The following CFB variants were observed in gnomAD, a reference collection of about 807,000 sequenced individuals.
CFB encodes complement factor B, also known as B-factor, properdin.
In CFB, 59 loss-of-function variants were observed where a neutral mutation model predicts 97.2. The observed-to-expected ratio is 0.61, with a 90% CI of 0.49 to 0.75. CFB has a LOEUF of 0.75. Among genes scored for constraint, CFB ranks in the 30% least tolerant of loss-of-function variants. CFB has a pLI of 0.00. For synonymous variants in CFB, 316 were observed against 351.7 expected, an observed-to-expected ratio of 0.90 and a Z score of 1.14; for missense variants, 771 against 959.8, an observed-to-expected ratio of 0.80 and a Z score of 2.60.
chr6:31,948,943 A>C lies in CFB; in HGVS notation c.1150A>C (p.Ile384Leu). 6.2e-7 allele frequency: 1 copy of C among 1,612,926 alleles called. No homozygotes were observed. The highest frequency in any genetic ancestry group is 8.5e-7 in the Non-Finnish European group (1 of 1,180,020). Residue 384 changes from isoleucine (I) to leucine (L), a missense_variant, in exon 8 of 18, where the codon ATC (isoleucine) becomes CTC (leucine). Physicochemically the swap from Ile to Leu is conservative, Grantham distance 5. Transcript: ENST00000425368. Reference sequence around the variant, plus strand: ...AGGCTGGAACCGCACCCGCCATGTCATCATCCTCATGACTGATGGTCAGAA... The same window carrying C: ...AGGCTGGAACCGCACCCGCCATGTCCTCATCCTCATGACTGATGGTCAGAA... ...PEGWNRTRHV[I>L]ILMTDGLHNM... is the part of the protein sequence containing the mutation.
chr6:31,947,836 C>A lies in CFB; in HGVS notation c.753C>A (p.His251Gln), dbSNP rs770317926. Reference sequence around the variant, plus strand: ...AAGGAGTCGATGCTGAGGATGGGCACGGCCCAGGTTTGAAGACAGAGAAGG... The same window carrying A: ...AAGGAGTCGATGCTGAGGATGGGCAAGGCCCAGGTTTGAAGACAGAGAAGG... ...TIEGVDAEDG[H>Q]GPGEQQKRKI... is the part of the protein sequence containing the mutation. The change falls in exon 5 of 18, where the codon CAC becomes CAA. Residue 251 changes from histidine to glutamine, a missense_variant. Transcript: ENST00000425368. The surrounding 1 kb of genome is among the most constrained non-coding windows in gnomAD (Gnocchi z 5.3). 7 of 1,613,818 alleles carry A rather than the reference C, an allele frequency of 4.3e-6. No homozygotes were observed. Among genetic ancestry groups the A allele is most frequent in the Non-Finnish European group, 5.9e-6 (7 of 1,180,024 alleles).
At position 31,949,556 on chromosome 6, in the gene CFB, C is replaced by T. The variant is rs201798809; in HGVS notation, c.1407C>T (p.Ile469=). ...TGGAAGATGTTTTCTACCAAATGAT[C>T]GGTAGGGAGATACAAGGGAATAAAG... ...ENLEDVFYQM[I]DESQSLSLCG... Residue 469 remains isoleucine, a splice_region_variant and synonymous_variant, in exon 10 of 18, where the codon ATC becomes ATT. Coordinates refer to ENST00000425368, the MANE Select transcript of CFB (RefSeq NM_001710.6). The T allele has an allele frequency of 1.2e-5, 20 of 1,612,880 alleles. No homozygotes were observed. Among genetic ancestry groups the T allele is most frequent in the South Asian group, 3.3e-5 (3 of 91,058 alleles).
In CFB at chr6:31,949,361, G is replaced by T. The variant is rs769726708; in HGVS notation, c.1270+17G>T. On this transcript the variant is annotated intron_variant, in intron 9 of 17. Coordinates refer to ENST00000425368, the MANE Select transcript of CFB (RefSeq NM_001710.6). ...ATTATCTGGGTGAGTAACCTGCCTA[G>T]GACCCAGCACCCCACTTCCTCAGGG... The T allele has an allele frequency of 3.1e-6, 5 of 1,613,994 alleles. No homozygotes were observed. The highest frequency in any genetic ancestry group is 4.2e-6 in the Non-Finnish European group (5 of 1,180,026).
rs761681940 is a variant in CFB at position 31,948,518 on chromosome 6, A to C, written c.1036+6A>C. 25 of 1,613,954 alleles carry C rather than the reference A, an allele frequency of 1.5e-5. No homozygotes were observed. The highest frequency in any genetic ancestry group is 2.2e-5 in the East Asian group (1 of 44,890). ...CAATGAAATCAATTATGAAGGTCAG[A>C]GGTTAGGGAATGGTGGGAGGTTCAC... is the stretch of plus-strand genomic sequence containing the variant. On this transcript the variant is annotated splice_donor_region_variant and intron_variant, in intron 7 of 17. Coordinates refer to ENST00000425368, the MANE Select transcript of CFB (RefSeq NM_001710.6).
rs1345466404 is a variant in CFB, at chr6:31,950,122, C to A, written c.1481C>A (p.Pro494Gln). Residue 494 changes from proline (P) to glutamine (Q), a missense_variant, in exon 11 of 18, where the codon CCA becomes CAA. Pro to Gln is a moderately conservative substitution (Grantham distance 76). Transcript: ENST00000425368. Reference protein sequence around the residue: ...HRKGTDYHKQPWQAKISVIRP... With the variant: ...HRKGTDYHKQQWQAKISVIRP... ...AAGGGTACCGATTACCACAAGCAAC[C>A]ATGGCAGGCCAAGATCTCAGTCATT... The A allele has an allele frequency of 1.9e-6, 3 of 1,613,092 alleles. No homozygotes were observed. The highest frequency in any genetic ancestry group is 2.5e-6 in the Non-Finnish European group (3 of 1,180,048).
At position 31,946,374 on chromosome 6, in the gene CFB, T is replaced by A; in HGVS notation, c.66T>A (p.Gly22=). ...MPFILGLLSG[G]VTTTPWSLAR... Reference sequence around the variant, plus strand: ...GGCTTCATCAGCCTTTCTCTTCAGGTGTGACCACCACTCCATGGTCTTTGG... The same window carrying A: ...GGCTTCATCAGCCTTTCTCTTCAGGAGTGACCACCACTCCATGGTCTTTGG... The change falls in exon 2 of 18, where the codon GGT becomes GGA. Residue 22 remains glycine (G), a splice_region_variant and synonymous_variant. Transcript: ENST00000425368. This position sits in a 1 kb window ranked among gnomAD's most constrained non-coding sequence, Gnocchi z 6.4. 1 of 1,613,038 alleles carries A rather than the reference T, an allele frequency of 6.2e-7. No individual in the cohort carries two copies. Among genetic ancestry groups the A allele is most frequent in the Non-Finnish European group, 8.5e-7 (1 of 1,180,004 alleles).
In CFB at chr6:31,951,528, T is replaced by A; in HGVS notation, c.2090-27T>A. 6.2e-7 allele frequency: 1 copy of A among 1,614,192 alleles called. No homozygotes were observed. Among genetic ancestry groups the A allele is most frequent in the Non-Finnish European group, 8.5e-7 (1 of 1,180,020 alleles). On this transcript the variant is annotated intron_variant, in intron 16 of 17. Coordinates refer to ENST00000425368, the MANE Select transcript of CFB (RefSeq NM_001710.6). The surrounding 1 kb of genome is among the most constrained non-coding windows in gnomAD (Gnocchi z 4.3). ...AGTGCCCAAGGCCCAACAGTCCTTT[T>A]CTCTACAGCTTCTCCTCTCCTTGCA...
Position 31,947,200 on chromosome 6 carries a change from G to A in CFB, c.484+8G>A. ...CGATCTGTGACAACGGAGGTGAGAA[G>A]CATCCCCTCCCCCTACATTGCTGTC... is the stretch of plus-strand genomic sequence containing the variant. On this transcript the variant is annotated splice_region_variant and intron_variant, in intron 3 of 17. Coordinates refer to ENST00000425368, the MANE Select transcript of CFB (RefSeq NM_001710.6). This position sits in a 1 kb window ranked among gnomAD's most constrained non-coding sequence, Gnocchi z 5.3. The A allele has an allele frequency of 1.2e-6, 2 of 1,612,640 alleles. No individual in the cohort carries two copies. The highest frequency in any genetic ancestry group is 2.2e-5 in the East Asian group (1 of 44,880).
chr6:31,946,763 C>A lies in CFB; in HGVS notation c.298+157C>A. On this transcript the variant is annotated intron_variant, in intron 2 of 17. Coordinates refer to ENST00000425368, the MANE Select transcript of CFB (RefSeq NM_001710.6). This position sits in a 1 kb window ranked among gnomAD's most constrained non-coding sequence, Gnocchi z 6.4. ...CAGGCGGAAAGGGGGCAAGAAAAAG[C>A]GGAGTTAACCCTTACTAAGCATTTA... The A allele has an allele frequency of 2.4e-6, 2 of 822,124 alleles. No homozygotes were observed. Among genetic ancestry groups the A allele is most frequent in the Non-Finnish European group, 2.0e-6 (1 of 496,634 alleles). The allele number at this position is 822,124 out of a possible 1,614,324, so 50.9% of individuals were successfully genotyped here.
intron 6 of CFB, 88 bp from the exon 7 acceptor site, chr6:31,948,286 G>A: frequency 1.3e-6 from 2 of 1,582,458 alleles, no homozygotes; most frequent in African/African-American, 1.3e-5. Context: ...CTTACTGAGA[G>A]CCTCCCTGTC....
In CFB at chr6:31,947,120, C is replaced by T; in HGVS notation, c.412C>T (p.Arg138Trp). 3.7e-6 allele frequency: 6 copies of T among 1,612,988 alleles called. No homozygotes were observed. Among genetic ancestry groups the T allele is most frequent in the South Asian group, 1.1e-5 (1 of 91,080 alleles). Residue 138 changes from arginine to tryptophan, a missense_variant, in exon 3 of 18, where the codon CGG becomes TGG. By Grantham distance (101) the Arg-to-Trp change is moderately radical. Transcript: ENST00000425368. The surrounding 1 kb of genome is among the most constrained non-coding windows in gnomAD (Gnocchi z 5.3). The part of the protein sequence containing the change: ...SFHCYDGYTL[R>W]GSANRTCQVN... Reference sequence around the variant, plus strand: ...CCACTGCTATGACGGTTACACTCTCCGGGGCTCTGCCAATCGCACCTGCCA... The same window carrying T: ...CCACTGCTATGACGGTTACACTCTCTGGGGCTCTGCCAATCGCACCTGCCA...
In CFB at chr6:31,952,034, G is replaced by T. The variant is rs1371919171; in HGVS notation, c.*4G>T. The T allele has an allele frequency of 6.2e-7, 1 of 1,612,502 alleles. No individual in the cohort carries two copies. The highest frequency in any genetic ancestry group is 8.5e-7 in the Non-Finnish European group (1 of 1,180,046). ...TGAGGATTTGGGTTTTCTATAAGGG[G>T]TTTCCTGCTGGACAGGGGCGTGGGA... On this transcript the variant is annotated 3_prime_UTR_variant, in exon 18 of 18. Coordinates refer to ENST00000425368, the MANE Select transcript of CFB (RefSeq NM_001710.6).
rs753544438 is a variant in CFB at position 31,947,057 on chromosome 6, C to G, written c.349C>G (p.Arg117Gly). 1.2e-6 allele frequency: 2 copies of G among 1,612,862 alleles called. No individual in the cohort carries two copies. The highest frequency in any genetic ancestry group is 2.7e-5 in the African/African-American group (2 of 74,866). Reference protein sequence around the residue: ...HDFENGEYWPRSPYYNVSDEI... With the variant: ...HDFENGEYWPGSPYYNVSDEI... ...CTTCGAGAACGGGGAATACTGGCCC[C>G]GGTCTCCCTACTACAATGTGAGTGA... The change falls in exon 3 of 18, where the codon CGG becomes GGG. Residue 117 changes from arginine to glycine, a missense_variant. Transcript: ENST00000425368. This position sits in a 1 kb window ranked among gnomAD's most constrained non-coding sequence, Gnocchi z 5.3.
chr6:31,951,653 G>GC lies in CFB; in HGVS notation c.2139+53dup. On this transcript the variant is annotated intron_variant, in intron 17 of 17. Transcript: ENST00000425368. The surrounding 1 kb of genome is among the most constrained non-coding windows in gnomAD (Gnocchi z 4.3). ...GGGAGATGCCAAGTGGTCAGCATGG[G>GC]CCCCAAAGCAGGAAAGCTCAATGCA... is the stretch of plus-strand genomic sequence containing the variant. 6.2e-7 allele frequency: 1 copy of GC among 1,612,292 alleles called. No homozygotes were observed. The highest frequency in any genetic ancestry group is 8.5e-7 in the Non-Finnish European group (1 of 1,178,362).
Position 31,950,762 on chromosome 6 carries a change from C to T in CFB, c.1768C>T (p.Gln590Ter), listed in dbSNP as rs1360999356. The T allele has an allele frequency of 6.2e-7, 1 of 1,612,900 alleles. No individual in the cohort carries two copies. The highest frequency in any genetic ancestry group is 8.5e-7 in the Non-Finnish European group (1 of 1,180,028). ...GCTCAAGAATAAGCTGAAATATGGC[C>T]AGACTATCAGGTGAGAGCGTCCAGA... ...IKLKNKLKYGQTIRPICLPCT... is the reference protein window; with the variant it reads ...IKLKNKLKYG The change falls in exon 13 of 18, where the codon CAG becomes TAG. Residue 590 changes from glutamine (Q) to a stop codon, truncating the protein, a stop_gained. Transcript: ENST00000425368. LOFTEE classifies it high-confidence loss of function.
In CFB at chr6:31,947,118, T is replaced by A; in HGVS notation, c.410T>A (p.Leu137His). 1 of 1,612,988 alleles carries A rather than the reference T, an allele frequency of 6.2e-7. No individual in the cohort carries two copies. The highest frequency in any genetic ancestry group is 8.5e-7 in the Non-Finnish European group (1 of 1,180,026). ...TTCCACTGCTATGACGGTTACACTCTCCGGGGCTCTGCCAATCGCACCTGC... is the reference window on the plus strand; with the variant it reads ...TTCCACTGCTATGACGGTTACACTCACCGGGGCTCTGCCAATCGCACCTGC... ...ISFHCYDGYT[L>H]RGSANRTCQV... is the part of the protein sequence containing the mutation. The change falls in exon 3 of 18, where the codon CTC becomes CAC. Residue 137 changes from leucine to histidine, a missense_variant. Leu to His is a moderately conservative substitution (Grantham distance 99, BLOSUM62 -3). Coordinates refer to ENST00000425368, the MANE Select transcript of CFB (RefSeq NM_001710.6). This position sits in a 1 kb window ranked among gnomAD's most constrained non-coding sequence, Gnocchi z 5.3.
At position 31,947,500 on chromosome 6, in the gene CFB, G is replaced by T; in HGVS notation, c.637G>T (p.Gly213Trp). The part of the protein sequence containing the change: ...RTCQEGGSWS[G>W]TEPSCQDSFM... ...GTGTCAGGAAGGTGGCTCTTGGAGC[G>T]GGACGGAGCCTTCCTGCCAAGGTGA... is the stretch of plus-strand genomic sequence containing the variant. Residue 213 changes from glycine (G) to tryptophan (W), a missense_variant, in exon 4 of 18, where the codon GGG becomes TGG. Transcript: ENST00000425368. This position sits in a 1 kb window ranked among gnomAD's most constrained non-coding sequence, Gnocchi z 5.3. 3 of 1,612,922 alleles carry T rather than the reference G, an allele frequency of 1.9e-6. No individual in the cohort carries two copies. The highest frequency in any genetic ancestry group is 2.5e-6 in the Non-Finnish European group (3 of 1,180,016).
At position 31,951,277 on chromosome 6, in the gene CFB, G is replaced by C. The variant is rs779648102; in HGVS notation, c.1956+33G>C. ...ACGGGCATCCTAAGGAGGCACTCTA[G>C]GCCCCAATCCTTCCTAAGCCACTTC... On this transcript the variant is annotated intron_variant, in intron 15 of 17. Coordinates refer to ENST00000425368, the MANE Select transcript of CFB (RefSeq NM_001710.6). This position sits in a 1 kb window ranked among gnomAD's most constrained non-coding sequence, Gnocchi z 4.3. 1.2e-6 allele frequency: 2 copies of C among 1,613,418 alleles called. No individual in the cohort carries two copies. Among genetic ancestry groups the C allele is most frequent in the Non-Finnish European group, 1.7e-6 (2 of 1,179,960 alleles).
Position 31,947,229 on chromosome 6 carries a change from C to T in CFB, c.484+37C>T. On this transcript the variant is annotated intron_variant, in intron 3 of 17. Coordinates refer to ENST00000425368, the MANE Select transcript of CFB (RefSeq NM_001710.6). The surrounding 1 kb of genome is among the most constrained non-coding windows in gnomAD (Gnocchi z 5.3). ...CCCCTCCCCCTACATTGCTGTCTCC[C>T]TGACGGCGCCCAGCCCGAGGAGTGG... 1 of 1,611,586 alleles carries T rather than the reference C, an allele frequency of 6.2e-7. No homozygotes were observed. The highest frequency in any genetic ancestry group is 8.5e-7 in the Non-Finnish European group (1 of 1,179,522).
Sources: allele counts gnomAD v4.1 joint callset, GRCh38; gene constraint gnomAD v4.1.1; non-coding constraint Gnocchi (gnomAD v3.1); transcripts MANE v1.5; gene names NCBI Gene and HGNC (gene_info 2026-07-23, HGNC 2026-07-21).